CADM2: variants seen among roughly 807,000 people sequenced by gnomAD.
CADM2 encodes the protein immunoglobulin superfamily member 4D.
A neutral mutation model predicts 49.8 loss-of-function variants in CADM2; 12 were observed. The observed-to-expected ratio is 0.24, with a 90% CI of 0.15 to 0.39. The LOEUF is 0.39. Among genes scored for constraint, CADM2 ranks in the 10% least tolerant of loss-of-function variants. CADM2 has a pLI of 1.00. For synonymous variants in CADM2, 214 were observed against 175.4 expected (o/e 1.22, Z -1.74); for missense variants, 378 against 492.3 (o/e 0.77, Z 2.20).
At chr3:85,363,364 G>C (rs2032494682) in intron 1 of CADM2, among the ~76,000 whole-genome samples, 1 of 152,118 alleles carries the variant, frequency 6.6e-6, no homozygotes, top group Non-Finnish European at 1.5e-5. Flanking sequence ...AAAATATAAT[G>C]CAAACAGAAT....
rs187221966 is a variant in CADM2 at position 85,747,625 on chromosome 3, T to C, written c.88+21077T>C. ...ATTCTTCTATGATGTTCTGGTGCCT[T>C]ATAAAGAGGATACTAAATGGGTATG... is the stretch of plus-strand genomic sequence containing the variant. On this transcript the variant is annotated intron_variant, in intron 2 of 9. Transcript: ENST00000383699. Among the ~76,000 whole-genome samples the C allele has an allele frequency of 3.9e-5, 6 of 152,174 alleles. No individual in the cohort carries two copies. The East Asian group carries it at 1.2e-3, about 29-fold the overall frequency.
intron 1 of CADM2, among the ~76,000 whole-genome samples, chr3:85,446,991 C>CATATATATATATAT (rs141177883): frequency 7.3e-5 from 4 of 54,560 alleles, no homozygotes; most frequent in Non-Finnish European, 1.5e-4. Context: ...ATATGTATTG[C>CATATATATATATAT]ATATATATAT....
chr3:85,301,945 C>T lies in CADM2; in HGVS notation c.61+342277C>T, dbSNP rs1002674488. On this transcript the variant is annotated intron_variant, in intron 1 of 9. Transcript: ENST00000383699. Reference sequence around the variant, plus strand: ...TTTAATAACTGAATTTTTTTGTATGCGTAGCTTTTCTGAAAGAGCATTTTG... The same window carrying T: ...TTTAATAACTGAATTTTTTTGTATGTGTAGCTTTTCTGAAAGAGCATTTTG... 3.3e-5 allele frequency among the ~76,000 whole-genome samples: 5 copies of T among 151,940 alleles called. 1 individual carries two copies. Among genetic ancestry groups the T allele is most frequent in the Middle Eastern group, 6.3e-3 (2 of 316 alleles).
intron 1 of CADM2, among the ~76,000 whole-genome samples, chr3:85,537,818 AATT>A (rs2061458497): frequency 6.6e-6 from 1 of 152,118 alleles, no homozygotes; most frequent in Non-Finnish European, 1.5e-5. Context: ...AATTAGAACT[AATT>A]ATATATCAAA....
At chr3:85,726,337 G>A in intron 1 of CADM2, 185 bp from the exon 2 acceptor site, 1 of 604,144 alleles carries the variant, frequency 1.7e-6, no homozygotes, top group East Asian at 2.8e-5. Context: ...TCTTACTCAA[G>A]GATCTTACTC....
At chr3:85,232,342 A>G (rs965603787) in intron 1 of CADM2, among the ~76,000 whole-genome samples, 1 of 152,088 alleles carries the variant, frequency 6.6e-6, no homozygotes, top group African/African-American at 2.4e-5. Flanking sequence ...AGGACTTTAC[A>G]TGGAAGATTA....
chr3:85,141,890 A>T (rs762658410), intron 1 of CADM2, among the ~76,000 whole-genome samples: 2 of 152,128 alleles, frequency 1.3e-5, no homozygotes, highest in Non-Finnish European at 2.9e-5. Flanking sequence ...ACTTAACCCA[A>T]TGGAGATTTA....
chr3:85,067,295 T>TTGTG (rs907831512), intron 1 of CADM2, among the ~76,000 whole-genome samples: 2 of 150,588 alleles, frequency 1.3e-5, no homozygotes, highest in Non-Finnish European at 3.0e-5. Context: ...GTGTGTGTGT[T>TTGTG]TGTGTGTGTG....
intron 1 of CADM2, among the ~76,000 whole-genome samples, chr3:85,103,517 T>A (rs143927227): frequency 6.6e-6 from 1 of 152,132 alleles, no homozygotes; most frequent in Non-Finnish European, 1.5e-5. Context: ...GAAAATGGCA[T>A]GTTCACAAAT....
intron 1 of CADM2, among the ~76,000 whole-genome samples, chr3:84,964,019 G>A (rs1170076985): frequency 6.6e-6 from 1 of 152,120 alleles, no homozygotes; most frequent in Non-Finnish European, 1.5e-5. Context: ...AATATAAGGA[G>A]TTTCTAGACT....
intron 8 of CADM2, among the ~76,000 whole-genome samples, chr3:86,028,327 G>A (rs1222944521): frequency 4.6e-5 from 7 of 151,734 alleles, no homozygotes; most frequent in African/African-American, 1.7e-4. Context: ...AAATATTTGG[G>A]TTTCCAGTAA....
intron 8 of CADM2, among the ~76,000 whole-genome samples, chr3:86,000,074 A>T (rs1729976560): frequency 6.6e-6 from 1 of 152,220 alleles, no homozygotes; most frequent in Admixed American, 6.5e-5. Context: ...TTCATACATT[A>T]GCCTTGAACA....
chr3:85,361,886 A>G (rs2032386637), intron 1 of CADM2, among the ~76,000 whole-genome samples: 2 of 152,212 alleles, frequency 1.3e-5, no homozygotes, highest in African/African-American at 4.8e-5. Context: ...ATAGATGGCC[A>G]TCTCGACCAC....
chr3:84,977,770 GTTGA>G (rs2031919725), intron 1 of CADM2, among the ~76,000 whole-genome samples: 1 of 151,992 alleles, frequency 6.6e-6, no homozygotes, highest in African/African-American at 2.4e-5. Flanking sequence ...TGGTTTCATC[GTTGA>G]TTTGTTTTCA....
chr3:85,283,645 T>A (rs1313923315), intron 1 of CADM2, among the ~76,000 whole-genome samples: 2 of 152,148 alleles, frequency 1.3e-5, no homozygotes, highest in Non-Finnish European at 2.9e-5. Flanking sequence ...TTAGTTTTCA[T>A]CAGTGCTATG....
chr3:85,879,638 C>T (rs980883723), intron 3 of CADM2, among the ~76,000 whole-genome samples: 7 of 152,106 alleles, frequency 4.6e-5, no homozygotes, highest in African/African-American at 1.7e-4. Flanking sequence ...GTTCTCCCTA[C>T]TCCATCAAAT....
At chr3:85,550,296 G>A (rs1320253510) in intron 1 of CADM2, among the ~76,000 whole-genome samples, 1 of 152,168 alleles carries the variant, frequency 6.6e-6, no homozygotes, top group East Asian at 1.9e-4. Flanking sequence ...TTCTGATGTA[G>A]TTCAGTAAAA....
chr3:85,281,848 A>G (rs1360910715), intron 1 of CADM2, among the ~76,000 whole-genome samples: 1 of 152,102 alleles, frequency 6.6e-6, no homozygotes, highest in East Asian at 1.9e-4. Context: ...ATGCAAAGAA[A>G]ATTATCAGAC....
chr3:85,234,671 G>A (rs753040091), intron 1 of CADM2, among the ~76,000 whole-genome samples: 2 of 152,098 alleles, frequency 1.3e-5, no homozygotes, highest in Non-Finnish European at 2.9e-5. Flanking sequence ...GTAAATACTG[G>A]TCAGTGATGA....
Sources: allele counts gnomAD v4.1 joint callset (sites outside exome capture counted in the v4.1 genomes callset), GRCh38; gene constraint gnomAD v4.1.1; transcripts MANE v1.5; gene names NCBI Gene and HGNC (gene_info 2026-07-23, HGNC 2026-07-21).